Variants in ARNT2 observed in about 807,000 individuals in gnomAD.
ARNT2 encodes the protein ARNT protein 2.
In ARNT2, 36 loss-of-function variants were observed where a neutral mutation model predicts 91.7. The ratio of observed to expected loss-of-function variants is 0.39; its 90% CI spans 0.30 to 0.52. ARNT2 has a LOEUF of 0.52. Ranked by LOEUF, ARNT2 falls within the 20% of genes least tolerant of loss-of-function variation. The probability of loss-of-function intolerance (pLI) is 0.72; values close to 1 mark genes in which losing one functional copy is unlikely to be tolerated. For synonymous variants in ARNT2, 365 were observed against 347.1 expected (o/e 1.05, Z -0.57); for missense variants, 775 against 939.3 (o/e 0.83, Z 2.29).
rs543818239 is a variant in ARNT2 at position 80,407,984 on chromosome 15, G to A, written c.31+3438G>A. Among the ~76,000 whole-genome samples, 9 of 145,374 alleles carry A rather than the reference G, an allele frequency of 6.2e-5. No individual in the cohort carries two copies. The South Asian group carries it at 1.7e-3, about 27-fold the overall frequency. ...ACATTCTCTGAGATGAGTATTTGCA[G>A]AGTAATTAATAAGGCTCATATGTTT... On this transcript the variant is annotated intron_variant, in intron 1 of 18. Coordinates refer to ENST00000303329, the MANE Select transcript of ARNT2 (RefSeq NM_014862.4).
chr15:80,430,851 T>C (rs1302480019), intron 1 of ARNT2, among the ~76,000 whole-genome samples: 5 of 152,106 alleles, frequency 3.3e-5, no homozygotes, highest in African/African-American at 1.2e-4. Context: ...GGCACAGATA[T>C]GCAAATCCAG....
chr15:80,526,593 G>A (rs570939241), intron 8 of ARNT2, among the ~76,000 whole-genome samples: 7 of 152,230 alleles, frequency 4.6e-5, no homozygotes, highest in African/African-American at 1.7e-4. Flanking sequence ...GCTTGACCCA[G>A]AGCAGGTGAA....
rs1596029055 is a variant in ARNT2, at chr15:80,591,798, T to C, written c.2055+94T>C. 3.2e-6 allele frequency: 5 copies of C among 1,559,156 alleles called. No homozygotes were observed. Among genetic ancestry groups the C allele is most frequent in the Non-Finnish European group, 3.5e-6 (4 of 1,149,268 alleles). Reference sequence around the variant, plus strand: ...CTCTGCCGCACCACCGCCTGCCCGATAGCCGTCGTGAGTTCTGGCCCAGCC... The same window carrying C: ...CTCTGCCGCACCACCGCCTGCCCGACAGCCGTCGTGAGTTCTGGCCCAGCC... On this transcript the variant is annotated intron_variant, in intron 18 of 18. Coordinates refer to ENST00000303329, the MANE Select transcript of ARNT2 (RefSeq NM_014862.4). This position sits in a 1 kb window ranked among gnomAD's most constrained non-coding sequence, Gnocchi z 5.1.
In ARNT2 at chr15:80,552,712, T is replaced by C. The variant is rs763210953; in HGVS notation, c.1027T>C (p.Ser343Pro). ...VPTEFLSRHN[S>P]DGIITFVDPR... ...CACAGAGTTCTTATCCCGGCATAAC[T>C]CCGATGGAATCATCACATTTGTGGA... Residue 343 changes from serine (S) to proline (P), a missense_variant, in exon 10 of 19, where the codon TCC becomes CCC. Physicochemically the swap from Ser to Pro is moderately conservative, Grantham distance 74. This residue lies in a region of ARNT2 where 285 missense variants were observed against 327.2 expected (regional missense o/e 0.87). Coordinates refer to ENST00000303329, the MANE Select transcript of ARNT2 (RefSeq NM_014862.4). 6.2e-6 allele frequency: 10 copies of C among 1,614,040 alleles called. No individual in the cohort carries two copies. The Admixed American group carries it at 1.7e-4, about 27-fold the overall frequency.
At chr15:80,582,552 G>T (rs1898818873) in intron 17 of ARNT2, among the ~76,000 whole-genome samples, 1 of 151,910 alleles carries the variant, frequency 6.6e-6, no homozygotes, top group African/African-American at 2.4e-5. Context: ...ATGGGGAGTT[G>T]TCATCTGCTG....
chr15:80,409,708 A>C (rs1379023530), intron 1 of ARNT2, among the ~76,000 whole-genome samples: 1 of 152,250 alleles, frequency 6.6e-6, no homozygotes, highest in Non-Finnish European at 1.5e-5. Context: ...AAATGTTATG[A>C]AGAAATGATC....
At chr15:80,572,541 T>C (rs1423223021) in intron 12 of ARNT2, among the ~76,000 whole-genome samples, 2 of 151,578 alleles carry the variant, frequency 1.3e-5, no homozygotes, top group Non-Finnish European at 2.9e-5. Flanking sequence ...CCTCCTTGCA[T>C]CCCAGACCCA....
intron 2 of ARNT2, among the ~76,000 whole-genome samples, chr15:80,454,796 C>T (rs1896457594): frequency 2.0e-5 from 3 of 152,146 alleles, no homozygotes; most frequent in Non-Finnish European, 2.9e-5. Context: ...TTACAGTCAC[C>T]GTCAGGGAGC....
chr15:80,532,190 C>G (rs945762890), intron 8 of ARNT2, among the ~76,000 whole-genome samples: 3 of 152,194 alleles, frequency 2.0e-5, no homozygotes, highest in Non-Finnish European at 2.9e-5. Context: ...TTTCCTGAAG[C>G]CTTGAGAGGC....
intron 12 of ARNT2, among the ~76,000 whole-genome samples, chr15:80,572,871 C>T (rs1898607708): frequency 6.6e-6 from 1 of 152,178 alleles, no homozygotes; most frequent in South Asian, 2.1e-4. Flanking sequence ...TCCTGTGTTT[C>T]CAGACGATCT....
intron 8 of ARNT2, among the ~76,000 whole-genome samples, chr15:80,537,564 A>G (rs898660466): frequency 1.3e-5 from 2 of 152,232 alleles, no homozygotes; most frequent in African/African-American, 4.8e-5. Context: ...CTAGTGGGAA[A>G]ATGTCCATGA....
intron 3 of ARNT2, among the ~76,000 whole-genome samples, chr15:80,465,679 G>A (rs921449187): frequency 1.3e-5 from 2 of 152,180 alleles, no homozygotes; most frequent in African/African-American, 4.8e-5. Context: ...CAGCCCACCT[G>A]CTGCCTTGAG....
chr15:80,472,107 G>C (rs533216189), intron 4 of ARNT2, among the ~76,000 whole-genome samples: 2 of 1,862 alleles, frequency 1.1e-3, no homozygotes, highest in Non-Finnish European at 2.0e-3. Context: ...TATAGCCGGT[G>C]GGGGGGCATT....
intron 2 of ARNT2, among the ~76,000 whole-genome samples, chr15:80,451,918 C>T (rs937384185): frequency 6.6e-6 from 1 of 152,220 alleles, no homozygotes; most frequent in Non-Finnish European, 1.5e-5. Context: ...TCAATTTGTA[C>T]TTTTAAAGCA....
At chr15:80,593,526 G>C in intron 18 of ARNT2, 74 bp from the exon 19 acceptor site, 1 of 1,252,546 alleles carries the variant, frequency 8.0e-7, no homozygotes, top group Non-Finnish European at 1.1e-6. Flanking sequence ...GTGCAGACTG[G>C]GCTCCTGGGA....
At chr15:80,429,492 C>T (rs893448434) in intron 1 of ARNT2, among the ~76,000 whole-genome samples, 1 of 152,240 alleles carries the variant, frequency 6.6e-6, no homozygotes, top group Non-Finnish European at 1.5e-5. Flanking sequence ...ACCCCGCAAT[C>T]GCCTGCCCTG....
chr15:80,438,776 A>C lies in ARNT2; in HGVS notation c.32-12104A>C, dbSNP rs568349362. ...GCAATCTCGGCCCACTACGACCTCC[A>C]TCTCCTGGGTTCACGCGATTCTCCT... On this transcript the variant is annotated intron_variant, in intron 1 of 18. Coordinates refer to ENST00000303329, the MANE Select transcript of ARNT2 (RefSeq NM_014862.4). Among the ~76,000 whole-genome samples, 15 of 152,218 alleles carry C rather than the reference A, an allele frequency of 9.9e-5. No homozygotes were observed. In the East Asian group the frequency reaches 2.9e-3, roughly 29 times the overall value.
At chr15:80,458,092 C>A in intron 3 of ARNT2, 116 bp downstream of exon 3, 1 of 1,099,792 alleles carries the variant, frequency 9.1e-7, no homozygotes, top group Non-Finnish European at 1.3e-6. Flanking sequence ...TGCAGTTTGA[C>A]TGGTCCCTCA....
intron 1 of ARNT2, among the ~76,000 whole-genome samples, chr15:80,448,527 T>C (rs966213780): frequency 3.3e-5 from 5 of 152,250 alleles, no homozygotes; most frequent in Non-Finnish European, 4.4e-5. Context: ...TTTCAACTTA[T>C]ATTGCCAAAA....
Sources: gnomAD v4.1 joint callset for allele counts (sites outside exome capture counted in the v4.1 genomes callset) on GRCh38, gnomAD v4.1.1 for gene constraint, gnomAD v4.1.1 regional missense constraint, Gnocchi (gnomAD v3.1) non-coding constraint, MANE v1.5 for transcripts, NCBI Gene and HGNC (gene_info 2026-07-23, HGNC 2026-07-21) for gene names.